LRRC4C: variants seen among roughly 807,000 people sequenced by gnomAD.
The protein encoded by LRRC4C is leucine-rich repeat-containing protein 4C.
Under a neutral mutation model 33.6 loss-of-function variants are expected in LRRC4C, and 5 were observed. The ratio of observed to expected loss-of-function variants is 0.15; its 90% CI spans 0.08 to 0.31. The LOEUF (loss-of-function observed/expected upper bound fraction) is 0.31. LRRC4C is among the 10% of genes least tolerant of loss of function. LRRC4C has a pLI of 1.00. For synonymous variants in LRRC4C, 329 were observed against 302.0 expected (o/e 1.09, Z -0.93); for missense variants, 560 against 796.7 (o/e 0.70, Z 3.58).
chr11:41,201,413 A>G (rs1946393750), intron 1 of LRRC4C, among the ~76,000 whole-genome samples: 8 of 152,168 alleles, frequency 5.3e-5, no homozygotes, highest in Admixed American at 3.9e-4. Context: ...TACCCATTCT[A>G]CAAGGTTTTC....
In LRRC4C at chr11:40,667,094, T is replaced by C. The variant is rs566907171; in HGVS notation, c.-406-18816A>G. 7.9e-5 allele frequency among the ~76,000 whole-genome samples: 12 copies of C among 152,306 alleles called. 1 individual carries two copies. In the South Asian group the frequency reaches 2.5e-3, roughly 32 times the overall value. On this transcript the variant is annotated intron_variant, in intron 2 of 6. Coordinates refer to ENST00000528697, the MANE Select transcript of LRRC4C (RefSeq NM_001258419.2). ...TTGCACTCACCAAAAAAATCTGACT[T>C]CAACAGAAATTAATATTTTGCAAAC...
chr11:40,916,853 G>A (rs941286280), intron 2 of LRRC4C, among the ~76,000 whole-genome samples: 1 of 151,886 alleles, frequency 6.6e-6, no homozygotes, highest in Non-Finnish European at 1.5e-5. Context: ...TACAAGTTTT[G>A]TTTTAAAAAG....
intron 3 of LRRC4C, among the ~76,000 whole-genome samples, chr11:40,459,086 G>C (rs1952268203): frequency 6.6e-6 from 1 of 152,116 alleles, no homozygotes; most frequent in African/African-American, 2.4e-5. Flanking sequence ...TCTTCATGTT[G>C]ATTGTCTCTA....
chr11:41,434,978 T>G (rs1221385050), intron 1 of LRRC4C, among the ~76,000 whole-genome samples: 3 of 152,182 alleles, frequency 2.0e-5, no homozygotes, highest in Non-Finnish European at 4.4e-5. Context: ...GTAGTTATCT[T>G]GCATTTTATA....
At chr11:40,523,920 C>T (rs1341589116) in intron 3 of LRRC4C, among the ~76,000 whole-genome samples, 1 of 152,110 alleles carries the variant, frequency 6.6e-6, no homozygotes, top group Admixed American at 6.5e-5. Flanking sequence ...CATGTTTTCC[C>T]TTCAGGTGAC....
chr11:41,328,288 C>G (rs1277096740), intron 1 of LRRC4C, among the ~76,000 whole-genome samples: 1 of 152,178 alleles, frequency 6.6e-6, no homozygotes, highest in Non-Finnish European at 1.5e-5. Flanking sequence ...GAGTGCTCCC[C>G]CTCCCAATAC....
intron 3 of LRRC4C, among the ~76,000 whole-genome samples, chr11:40,487,730 CT>C (rs1449954981): frequency 1.3e-5 from 2 of 151,944 alleles, no homozygotes; most frequent in African/African-American, 4.8e-5. Flanking sequence ...ACGTAAAACC[CT>C]TTATATAATC....
chr11:41,107,982 GGAGAGGGGAGAGGGGAGAGTA>G (rs1419999549), intron 1 of LRRC4C, among the ~76,000 whole-genome samples: 2 of 150,122 alleles, frequency 1.3e-5, no homozygotes, highest in East Asian at 2.0e-4. Flanking sequence ...AGGGGAGAGG[GGAGAGGGGAGAGGGGAGAGTA>G]GAGAGGAGAG....
intron 1 of LRRC4C, among the ~76,000 whole-genome samples, chr11:40,964,820 A>C (rs11036161): frequency 0.43 from 65,314 of 151,012 alleles, 15,547 homozygotes; most frequent in East Asian, 0.53. Flanking sequence ...GAATAGTGCC[A>C]CAATAAACAT....
chr11:41,204,784 T>C (rs1306957595), intron 1 of LRRC4C, among the ~76,000 whole-genome samples: 2 of 152,202 alleles, frequency 1.3e-5, no homozygotes, highest in Admixed American at 6.6e-5. Flanking sequence ...CACTATGGAA[T>C]ATAATGATGT....
intron 3 of LRRC4C, among the ~76,000 whole-genome samples, chr11:40,572,384 A>G (rs1958018255): frequency 6.6e-6 from 1 of 152,180 alleles, no homozygotes; most frequent in African/African-American, 2.4e-5. Flanking sequence ...CATCAGAGAG[A>G]TTTAATGGAG....
At chr11:40,218,690 A>T (rs1208999662) in intron 5 of LRRC4C, among the ~76,000 whole-genome samples, 1 of 108,154 alleles carries the variant, frequency 9.2e-6, no homozygotes, top group Non-Finnish European at 2.2e-5. Context: ...AGAATGATAA[A>T]GAATCTATCT....
intron 1 of LRRC4C, among the ~76,000 whole-genome samples, chr11:41,053,516 A>G (rs1858403976): frequency 6.6e-6 from 1 of 152,248 alleles, no homozygotes; most frequent in Non-Finnish European, 1.5e-5. Context: ...GAAGTGGAAA[A>G]CAAGCTAAAC....
intron 3 of LRRC4C, among the ~76,000 whole-genome samples, chr11:40,373,346 T>G (rs1948533523): frequency 6.6e-6 from 1 of 152,184 alleles, no homozygotes. Context: ...TACAAAGTTC[T>G]GTTTATAAAA....
chr11:40,240,045 A>G (rs1865827164), intron 5 of LRRC4C, among the ~76,000 whole-genome samples: 2 of 152,212 alleles, frequency 1.3e-5, no homozygotes, highest in Admixed American at 1.3e-4. Context: ...ATACATAGGT[A>G]ACATTTTTAA....
chr11:40,766,501 A>C (rs1230990328), intron 2 of LRRC4C, among the ~76,000 whole-genome samples: 1 of 151,760 alleles, frequency 6.6e-6, no homozygotes, highest in Non-Finnish European at 1.5e-5. Flanking sequence ...TTATGTCTTG[A>C]TTATAAGAAG....
At chr11:41,054,610 T>A (rs1265916435) in intron 1 of LRRC4C, among the ~76,000 whole-genome samples, 1 of 152,232 alleles carries the variant, frequency 6.6e-6, no homozygotes, top group Non-Finnish European at 1.5e-5. Context: ...TAAGAATCAA[T>A]TTCAGCGAGT....
At chr11:40,231,479 C>A (rs1865196516) in intron 5 of LRRC4C, among the ~76,000 whole-genome samples, 2 of 127,024 alleles carry the variant, frequency 1.6e-5, no homozygotes, top group South Asian at 5.3e-4. Flanking sequence ...ATAAACTAGT[C>A]AATATGCAAT....
chr11:40,517,378 G>A (rs1028059657), intron 3 of LRRC4C, among the ~76,000 whole-genome samples: 1 of 152,086 alleles, frequency 6.6e-6, no homozygotes, highest in Admixed American at 6.6e-5. Flanking sequence ...CTGTCAAATA[G>A]GAAAGGAAAA....
Sources: gnomAD v4.1 joint callset for allele counts (sites outside exome capture counted in the v4.1 genomes callset) on GRCh38, gnomAD v4.1.1 for gene constraint, MANE v1.5 for transcripts, NCBI Gene and HGNC (gene_info 2026-07-23, HGNC 2026-07-21) for gene names.